Variants in PCNT observed in about 807,000 individuals in gnomAD.
The protein encoded by PCNT is pericentrin.
Under a neutral mutation model 380.4 loss-of-function variants are expected in PCNT, and 319 were observed. That is an observed-to-expected ratio of 0.84 (90% CI 0.77 to 0.92). The LOEUF (loss-of-function observed/expected upper bound fraction) is 0.92, where lower values mean the gene tolerates loss of function less well. Among genes scored for constraint, PCNT ranks in the 40% least tolerant of loss-of-function variants. The probability of loss-of-function intolerance (pLI) is 0.00; values close to 1 mark genes in which losing one functional copy is unlikely to be tolerated. For missense variants in PCNT, 4,400 were observed against 4,255.3 expected, an observed-to-expected ratio of 1.03 and a Z score of -0.95; for synonymous variants, 1,845 against 1,735.2, an observed-to-expected ratio of 1.06 and a Z score of -1.57.
intron 15 of PCNT, among the ~76,000 whole-genome samples, chr21:46,378,494 G>A (rs910947517): frequency 9.9e-5 from 15 of 152,136 alleles, no homozygotes; most frequent in African/African-American, 2.9e-4. Context: ...AGATGCCTGC[G>A]TGTGGGCAGG....
In PCNT at chr21:46,418,307, G is replaced by C. The variant is rs774148938; in HGVS notation, c.7024+1G>C. The C allele has an allele frequency of 3.3e-6, 5 of 1,516,894 alleles. No homozygotes were observed. The highest frequency in any genetic ancestry group is 4.6e-6 in the Non-Finnish European group (5 of 1,091,572). 94.0% of individuals were successfully genotyped at this position (1,516,894 alleles called of 1,614,324 possible). On this transcript the variant is annotated splice_donor_variant, in intron 31 of 46. Transcript: ENST00000359568. LOFTEE classifies it high-confidence loss of function. The stretch of plus-strand genomic sequence containing the variant: ...GGAAAAGCTGATAGAAGTGAGAAAA[G>C]TGAGTTGGTTATCTTTCATTTTTAA...
intron 29 of PCNT, among the ~76,000 whole-genome samples, chr21:46,415,188 T>C (rs1194233728): frequency 2.0e-5 from 3 of 152,156 alleles, no homozygotes; most frequent in Non-Finnish European, 2.9e-5. Context: ...CCTGAAAGAT[T>C]CTTAATTCCA....
intron 38 of PCNT, among the ~76,000 whole-genome samples, chr21:46,433,968 G>C (rs1292813655): frequency 6.6e-6 from 1 of 152,098 alleles, no homozygotes; most frequent in Non-Finnish European, 1.5e-5. Context: ...GTAGAGACGG[G>C]GTTTTACCAC....
At chr21:46,412,142 C>G in intron 28 of PCNT, 75 bp downstream of exon 28, 2 of 1,511,500 alleles carry the variant, frequency 1.3e-6, no homozygotes, top group Non-Finnish European at 8.9e-7. Flanking sequence ...AATGACTTCT[C>G]TCTGCGCTGG....
At chr21:46,405,446 C>T (rs1293640598) in intron 27 of PCNT, among the ~76,000 whole-genome samples, 1 of 152,100 alleles carries the variant, frequency 6.6e-6, no homozygotes, top group Non-Finnish European at 1.5e-5. Flanking sequence ...GCCTGTAATC[C>T]CAGCACTTTG....
chr21:46,355,237 C>T (rs1347969379), intron 11 of PCNT, among the ~76,000 whole-genome samples: 1 of 152,238 alleles, frequency 6.6e-6, no homozygotes, highest in Non-Finnish European at 1.5e-5. Flanking sequence ...TCTTGTATGT[C>T]TTCCGGAGGC....
chr21:46,356,242 C>T (rs548664656), intron 12 of PCNT, among the ~76,000 whole-genome samples: 6 of 152,294 alleles, frequency 3.9e-5, no homozygotes, highest in East Asian at 1.9e-4. Flanking sequence ...GCTGAGGCCG[C>T]GGGTCCTGCT....
intron 29 of PCNT, among the ~76,000 whole-genome samples, chr21:46,415,578 T>G (rs192547820): frequency 6.6e-6 from 1 of 151,886 alleles, no homozygotes; most frequent in African/African-American, 2.4e-5. Flanking sequence ...AGAGACAGGG[T>G]TTCACCATTT....
In PCNT at chr21:46,389,162, A is replaced by G. The variant is rs201476054; in HGVS notation, c.3608-37A>G. On this transcript the variant is annotated intron_variant, in intron 18 of 46. Coordinates refer to ENST00000359568, the MANE Select transcript of PCNT (RefSeq NM_006031.6). ...TGCCATGGCCGCGGCCGGCTTGCTC[A>G]CTGAGCCGCGTGTGCCGGCATCTGC... 247 of 1,591,338 alleles carry G rather than the reference A, an allele frequency of 1.6e-4. 7 individuals are homozygous for G. In the South Asian group the frequency reaches 2.3e-3, roughly 15 times the overall value.
Position 46,367,146 on chromosome 21 carries a change from C to G in PCNT, c.3165+7C>G. 1.2e-6 allele frequency: 2 copies of G among 1,610,114 alleles called. No homozygotes were observed. The highest frequency in any genetic ancestry group is 1.7e-6 in the Non-Finnish European group (2 of 1,179,342). On this transcript the variant is annotated splice_region_variant and intron_variant, in intron 15 of 46. Transcript: ENST00000359568. ...GCTGCAGGGAGTGCACCAGGTAAGG[C>G]GCCAGGGCCCTGCCCCAGCCCAGGG...
chr21:46,377,087 CA>C (rs34330090), intron 15 of PCNT, among the ~76,000 whole-genome samples: 101,597 of 151,992 alleles, frequency 0.67, 34,651 homozygotes, highest in African/African-American at 0.79. Context: ...GCTTATCACA[CA>C]AAAAAAGGTA....
Position 46,430,559 on chromosome 21 carries a change from G to C in PCNT, c.7966G>C (p.Glu2656Gln), listed in dbSNP as rs981766239. ...NELKAALQEL[E>Q]SEQGKGRALQ... ...GCTGAAGGCCGCGCTTCAGGAGCTGGAGAGTGAGCAGGGGAAGGGGCGTGC... is the reference window on the plus strand; with the variant it reads ...GCTGAAGGCCGCGCTTCAGGAGCTGCAGAGTGAGCAGGGGAAGGGGCGTGC... Residue 2656 changes from glutamate to glutamine, a missense_variant, in exon 37 of 47, where the codon GAG becomes CAG. Glu to Gln is a conservative substitution (Grantham distance 29, BLOSUM62 2). Coordinates refer to ENST00000359568, the MANE Select transcript of PCNT (RefSeq NM_006031.6). 5.1e-6 allele frequency: 8 copies of C among 1,558,382 alleles called. No individual in the cohort carries two copies. The highest frequency in any genetic ancestry group is 4.2e-4 in the Middle Eastern group (2 of 4,714).
At chr21:46,339,361 T>A (rs560945387) in intron 3 of PCNT, among the ~76,000 whole-genome samples, 22 of 152,360 alleles carry the variant, frequency 1.4e-4, no homozygotes, top group African/African-American at 5.0e-4. Context: ...TTTGGTGTTC[T>A]GCAGTTTTGA....
rs769557050 is a variant in PCNT, at chr21:46,436,469, G to GCCCCCCCCCCCCCCCCCCCCCCC, written c.8996+321_8996+322insCCCCCCCCCCCCCCCCCCCCCCC. ...CAGGGTCGGGTTTGGAGCCTCCTGT[G>GCCCCCCCCCCCCCCCCCCCCCCC]GCCCCCCCCCCCCCCCCCCGCTGGC... On this transcript the variant is annotated intron_variant, in intron 39 of 46. Transcript: ENST00000359568. Among the ~76,000 whole-genome samples, 9 of 40,034 alleles carry GCCCCCCCCCCCCCCCCCCCCCCC rather than the reference G, an allele frequency of 2.2e-4. 4 individuals carry two copies. Among genetic ancestry groups the GCCCCCCCCCCCCCCCCCCCCCCC allele is most frequent in the Non-Finnish European group, 3.5e-4 (6 of 17,222 alleles). 26.3% of individuals were successfully genotyped at this position (40,034 alleles called of 152,430 possible).
rs147972708 is a variant in PCNT, at chr21:46,355,511, G to C, written c.1821G>C (p.Ala607=). 8.1e-6 allele frequency: 13 copies of C among 1,614,072 alleles called. No homozygotes were observed. The African/African-American group carries it at 1.6e-4, about 20-fold the overall frequency. The change falls in exon 12 of 47, where the codon GCG becomes GCC. Residue 607 remains alanine (A), a synonymous_variant. Coordinates refer to ENST00000359568, the MANE Select transcript of PCNT (RefSeq NM_006031.6). Reference sequence around the variant, plus strand: ...AAAGCCACAGGCACCAGCTGGAAGCGCTGGAGTCTCCCCTCTGCATCCAGC... The same window carrying C: ...AAAGCCACAGGCACCAGCTGGAAGCCCTGGAGTCTCCCCTCTGCATCCAGC... ...LEESHRHQLE[A]LESPLCIQHE... is the part of the protein sequence containing the mutation.
At chr21:46,343,378 C>T (rs867325302) in intron 3 of PCNT, among the ~76,000 whole-genome samples, 10 of 152,132 alleles carry the variant, frequency 6.6e-5, no homozygotes, top group South Asian at 2.1e-4. Flanking sequence ...TCTTCTGCAT[C>T]TATTGAGATG....
chr21:46,424,122 G>C (rs571893322), intron 32 of PCNT, among the ~76,000 whole-genome samples: 26 of 152,196 alleles, frequency 1.7e-4, no homozygotes, highest in Non-Finnish European at 2.6e-4. Flanking sequence ...CCACTGCTCA[G>C]ATGCAGCCAC....
Position 46,334,633 on chromosome 21 carries a change from G to C in PCNT, c.504G>C (p.Gln168His). Residue 168 changes from glutamine (Q) to histidine (H), a missense_variant, in exon 3 of 47, where the codon CAG (glutamine) becomes CAC (histidine). Transcript: ENST00000359568. The part of the protein sequence containing the change: ...MFTVSDHPPE[Q>H]RGMFTISDHQ... ...CAGTCAGTGACCACCCACCAGAACA[G>C]CGTGGGATGTTCACAATCAGTGACC... 1 of 1,605,152 alleles carries C rather than the reference G, an allele frequency of 6.2e-7. No individual in the cohort carries two copies. Among genetic ancestry groups the C allele is most frequent in the Non-Finnish European group, 8.5e-7 (1 of 1,174,760 alleles).
At position 46,359,491 on chromosome 21, in the gene PCNT, G is replaced by GTTTTTTTTTTTTTTTTTTTTTTTTTTT. The variant is rs1219693835; in HGVS notation, c.2154+2316_2154+2317insTTTTTTTTTTTTTTTTTTTTTTTTTTT. 4.5e-4 allele frequency among the ~76,000 whole-genome samples: 30 copies of GTTTTTTTTTTTTTTTTTTTTTTTTTTT among 66,068 alleles called. 1 individual carries two copies. Among genetic ancestry groups the GTTTTTTTTTTTTTTTTTTTTTTTTTTT allele is most frequent in the Admixed American group, 5.9e-4 (3 of 5,076 alleles). 43.3% of individuals were successfully genotyped at this position (66,068 alleles called of 152,430 possible). A position where few individuals can be genotyped will look rare whatever the true frequency, so the allele number is the denominator to read the frequency against. On this transcript the variant is annotated intron_variant, in intron 13 of 46. Coordinates refer to ENST00000359568, the MANE Select transcript of PCNT (RefSeq NM_006031.6). ...CCAAAAATACACCTGTTTTTTTTTTGTTTTTTTTTTTTTTTTGAGACAGTG... is the reference window on the plus strand; with the variant it reads ...CCAAAAATACACCTGTTTTTTTTTTGTTTTTTTTTTTTTTTTTTTTTTTTTTTTTTTTTTTTTTTTTTTGAGACAGTG...
Sources: allele counts gnomAD v4.1 joint callset (sites outside exome capture counted in the v4.1 genomes callset), GRCh38; gene constraint gnomAD v4.1.1; transcripts MANE v1.5; gene names NCBI Gene and HGNC (gene_info 2026-07-23, HGNC 2026-07-21).